PALM2AKAP2: variants seen among roughly 807,000 people sequenced by gnomAD.
PALM2AKAP2 encodes the protein PALM2 and AKAP2 fusion.
Under a neutral mutation model 71.5 loss-of-function variants are expected in PALM2AKAP2, and 37 were observed. That is an observed-to-expected ratio of 0.52 (90% CI 0.40 to 0.68). The LOEUF (loss-of-function observed/expected upper bound fraction) is 0.68, where lower values mean the gene tolerates loss of function less well. PALM2AKAP2 is among the 30% of genes least tolerant of loss of function. The probability of loss-of-function intolerance (pLI) is 0.00; values close to 1 mark genes in which losing one functional copy is unlikely to be tolerated. For missense variants in PALM2AKAP2, 1,224 were observed against 1,191.8 expected, an observed-to-expected ratio of 1.03 and a Z score of -0.40; for synonymous variants, 468 against 478.8, an observed-to-expected ratio of 0.98 and a Z score of 0.29.
chr9:110,162,885 T>G (rs773951925), intron 3 of PALM2AKAP2, among the ~76,000 whole-genome samples: 1 of 151,874 alleles, frequency 6.6e-6, no homozygotes, highest in African/African-American at 2.4e-5. Flanking sequence ...TTTTTTATAT[T>G]TTTTTTGTAG....
intron 2 of PALM2AKAP2, among the ~76,000 whole-genome samples, chr9:109,870,050 G>A (rs1427111212): frequency 1.3e-5 from 2 of 152,174 alleles, no homozygotes; most frequent in East Asian, 1.9e-4. Flanking sequence ...AGTACTATCT[G>A]CAGAGAGACC....
rs111906377 is a variant in PALM2AKAP2 at position 109,878,825 on chromosome 9, C to T, written c.127-1726C>T. 2.6e-3 allele frequency among the ~76,000 whole-genome samples: 401 copies of T among 152,270 alleles called. 4 individuals are homozygous for T. The highest frequency in any genetic ancestry group is 9.5e-3 in the African/African-American group (395 of 41,550). ...TGATCTCAGCCCACTGCAACCTCTG[C>T]CCCCCAGGTTCTAGTGATTCTTCTG... On this transcript the variant is annotated intron_variant, in intron 2 of 9. Coordinates refer to the PALM2AKAP2 transcript ENST00000302798.
At chr9:110,069,703 GAAC>G (rs1220123510) in intron 1 of PALM2AKAP2, among the ~76,000 whole-genome samples, 1 of 152,146 alleles carries the variant, frequency 6.6e-6, no homozygotes, top group Non-Finnish European at 1.5e-5. Context: ...GGCGCTGAGG[GAAC>G]AACAGCTTCC....
intron 1 of PALM2AKAP2, among the ~76,000 whole-genome samples, chr9:109,701,737 G>A (rs1251901559): frequency 2.7e-5 from 4 of 150,368 alleles, no homozygotes; most frequent in African/African-American, 2.4e-5. Context: ...AGCCAAAATT[G>A]ACAAATGGGA....
chr9:109,987,327 C>T (rs1371210568), intron 6 of PALM2AKAP2, among the ~76,000 whole-genome samples: 1 of 152,056 alleles, frequency 6.6e-6, no homozygotes, highest in Non-Finnish European at 1.5e-5. Context: ...GAGGGGGTTT[C>T]ACCATATTGG....
At chr9:110,138,505 A>G (rs3739456) in exon 2 of PALM2AKAP2, 441,831 of 1,612,072 alleles carry the variant, frequency 0.27, 65,873 homozygotes, top group East Asian at 0.68. Flanking sequence ...ATGCCCCATC[A>G]CTGCCCTCCA....
intron 6 of PALM2AKAP2, among the ~76,000 whole-genome samples, chr9:109,990,327 T>C (rs1239183700): frequency 6.6e-6 from 1 of 152,174 alleles, no homozygotes; most frequent in African/African-American, 2.4e-5. Context: ...CCCAAAGCGC[T>C]GGGACTACAG....
At chr9:109,764,863 C>T (rs553187154) in intron 1 of PALM2AKAP2, among the ~76,000 whole-genome samples, 1 of 152,218 alleles carries the variant, frequency 6.6e-6, no homozygotes, top group South Asian at 2.1e-4. Flanking sequence ...TCATTTGGAA[C>T]TACAAGGTGA....
chr9:109,867,308 T>A (rs1829477839), intron 1 of PALM2AKAP2, 183 bp from the exon 2 acceptor site: 4 of 590,888 alleles, frequency 6.8e-6, no homozygotes, highest in Non-Finnish European at 1.2e-5. Flanking sequence ...AGCAGACATG[T>A]TAGGAGAATG....
intron 1 of PALM2AKAP2, among the ~76,000 whole-genome samples, chr9:109,648,256 C>T (rs993885801): frequency 1.9e-4 from 29 of 152,310 alleles, no homozygotes; most frequent in African/African-American, 6.7e-4. Flanking sequence ...TATCTAGTCT[C>T]AGGTAGTATC....
chr9:109,871,571 A>G lies in PALM2AKAP2; in HGVS notation c.126+4000A>G, dbSNP rs566058086. On this transcript the variant is annotated intron_variant, in intron 2 of 9. Transcript: ENST00000302798. ...GAAAAAACATATGTACTCTATACTTACCATTCAGATAGAACCCATGCAGAG... is the reference window on the plus strand; with the variant it reads ...GAAAAAACATATGTACTCTATACTTGCCATTCAGATAGAACCCATGCAGAG... Among the ~76,000 whole-genome samples, 281 of 152,294 alleles carry G rather than the reference A, an allele frequency of 1.8e-3. 1 individual carries two copies. In the South Asian group the frequency reaches 0.024, roughly 13 times the overall value.
chr9:110,052,232 C>T (rs1238453969), intron 1 of PALM2AKAP2, among the ~76,000 whole-genome samples: 1 of 152,194 alleles, frequency 6.6e-6, no homozygotes, highest in Non-Finnish European at 1.5e-5. Context: ...GCAAACTCAA[C>T]ACCCAGAGGC....
chr9:109,979,876 A>T (rs956409175), intron 6 of PALM2AKAP2, among the ~76,000 whole-genome samples: 1 of 152,192 alleles, frequency 6.6e-6, no homozygotes, highest in South Asian at 2.1e-4. Context: ...AGTGAATATG[A>T]TTTAGATCTG....
At chr9:109,868,522 G>A (rs963658309) in intron 2 of PALM2AKAP2, among the ~76,000 whole-genome samples, 16 of 152,040 alleles carry the variant, frequency 1.1e-4, no homozygotes, top group African/African-American at 3.9e-4. Context: ...GGTGATGCTC[G>A]GTATGAATTA....
At chr9:110,029,192 T>A (rs1275782507) in intron 7 of PALM2AKAP2, among the ~76,000 whole-genome samples, 1 of 152,214 alleles carries the variant, frequency 6.6e-6, no homozygotes, top group Non-Finnish European at 1.5e-5. Flanking sequence ...GATTGTTTTT[T>A]CTTTTGAACA....
intron 6 of PALM2AKAP2, among the ~76,000 whole-genome samples, chr9:110,008,608 CCTT>C (rs1832824367): frequency 6.6e-6 from 1 of 152,054 alleles, no homozygotes; most frequent in Admixed American, 6.6e-5. Context: ...TAGAAGGACT[CCTT>C]CTTCCCATGA....
chr9:110,057,377 T>A (rs535180403), intron 1 of PALM2AKAP2, among the ~76,000 whole-genome samples: 1 of 131,816 alleles, frequency 7.6e-6, no homozygotes, highest in African/African-American at 3.0e-5. Flanking sequence ...TTTTTTTTTT[T>A]TTTGTTTTTT....
At chr9:109,958,327 T>C (rs1831785834) in intron 6 of PALM2AKAP2, among the ~76,000 whole-genome samples, 1 of 152,224 alleles carries the variant, frequency 6.6e-6, no homozygotes, top group Admixed American at 6.5e-5. Context: ...CACTTAATTC[T>C]AAGATCTTGG....
intron 1 of PALM2AKAP2, among the ~76,000 whole-genome samples, chr9:109,751,194 G>A (rs1394135030): frequency 6.6e-6 from 1 of 152,094 alleles, no homozygotes; most frequent in East Asian, 1.9e-4. Flanking sequence ...GTTGAGTTGG[G>A]CATATACAAG....
Sources: allele counts gnomAD v4.1 joint callset (sites outside exome capture counted in the v4.1 genomes callset), GRCh38; gene constraint gnomAD v4.1.1; transcripts MANE v1.5; gene names NCBI Gene and HGNC (gene_info 2026-07-23, HGNC 2026-07-21).